The following ZNF511 variants were observed in gnomAD, a reference collection of about 807,000 sequenced individuals.
ZNF511 encodes zinc finger protein 511.
Under a neutral mutation model 24.8 loss-of-function variants are expected in ZNF511, and 26 were observed. The observed-to-expected ratio is 1.05, with a 90% CI of 0.77 to 1.46. The LOEUF is 1.46. ZNF511 is among the 40% of genes most tolerant of loss of function. The pLI is 0.00. For missense variants in ZNF511, 358 were observed against 345.0 expected, an observed-to-expected ratio of 1.04 and a Z score of -0.30; for synonymous variants, 144 against 139.6, an observed-to-expected ratio of 1.03 and a Z score of -0.22.
intron 4 of ZNF511, among the ~76,000 whole-genome samples, chr10:133,311,422 TAAA>T (rs748832130): frequency 4.6e-4 from 70 of 152,286 alleles, no homozygotes; most frequent in Non-Finnish European, 9.0e-4. Context: ...CTCACACTCA[TAAA>T]AAGACCCGTG....
Position 133,312,885 on chromosome 10 carries a change from G to T in ZNF511, c.*19G>T, listed in dbSNP as rs555874146. 2.5e-6 allele frequency: 4 copies of T among 1,613,948 alleles called. No homozygotes were observed. The highest frequency in any genetic ancestry group is 1.7e-5 in the Admixed American group (1 of 60,016). ...ATGCTGATAGACTCAGAAAAGGAGT[G>T]GGGGGCAGTCACCACTGCTGGGCGT... On this transcript the variant is annotated 3_prime_UTR_variant, in exon 6 of 6. Coordinates refer to ENST00000361518, the MANE Select transcript of ZNF511 (RefSeq NM_145806.4).
rs956567043 is a variant in ZNF511 at position 133,308,953 on chromosome 10, C to T, written c.10C>T (p.Pro4Ser). Residue 4 changes from proline to serine, a missense_variant, in exon 1 of 6, where the codon CCC (proline) becomes TCC (serine). By Grantham distance (74) the Pro-to-Ser change is moderately conservative. Transcript: ENST00000361518. ...GCCCGCGCCCGGGGTGATGCAGTTG[C>T]CCCCCGCGCTGTGCGCCCGCCTCGC... MQL[P>S]PALCARLAAG... 12 of 1,234,576 alleles carry T rather than the reference C, an allele frequency of 9.7e-6. No individual in the cohort carries two copies. Among genetic ancestry groups the T allele is most frequent in the African/African-American group, 1.6e-5 (1 of 63,928 alleles). 76.5% of individuals were successfully genotyped at this position (1,234,576 alleles called of 1,614,324 possible).
chr10:133,310,109 A>C (rs1847955083), intron 3 of ZNF511, 55 bp from the exon 4 acceptor site: 2 of 1,612,002 alleles, frequency 1.2e-6, no homozygotes, highest in South Asian at 2.2e-5. Flanking sequence ...CTACGGGGGC[A>C]TGGCGGTGGG....
chr10:133,312,137 C>T, intron 5 of ZNF511: 1 of 1,438,354 alleles, frequency 7.0e-7, no homozygotes, highest in Non-Finnish European at 9.1e-7. Flanking sequence ...GCTTCAGTCA[C>T]AACCCAGGCG....
intron 4 of ZNF511, 97 bp downstream of exon 4, chr10:133,310,385 T>C: frequency 6.7e-7 from 1 of 1,493,976 alleles, no homozygotes; most frequent in Non-Finnish European, 9.1e-7. Flanking sequence ...TATTAAGCAC[T>C]TGTGTGTCAC....
At position 133,311,827 on chromosome 10, in the gene ZNF511, G is replaced by T. The variant is rs1847996208; in HGVS notation, c.666G>T (p.Arg222=). 1.9e-6 allele frequency: 3 copies of T among 1,613,264 alleles called. No homozygotes were observed. Among genetic ancestry groups the T allele is most frequent in the African/African-American group, 2.7e-5 (2 of 74,958 alleles). The part of the protein sequence containing the change: ...AASPAPAGER[R]IYRHRIPSTI... The stretch of plus-strand genomic sequence containing the variant: ...CCCCTGCACCGGCAGGTGAGAGGCG[G>T]ATCTACAGACATAGGTCAGTGTCTG... Residue 222 remains arginine (R), a synonymous_variant, in exon 5 of 6, where the codon CGG becomes CGT. Coordinates refer to ENST00000361518, the MANE Select transcript of ZNF511 (RefSeq NM_145806.4).
Position 133,309,421 on chromosome 10 carries a change from A to C in ZNF511, c.185A>C (p.Gln62Pro), listed in dbSNP as rs147218077. 462 of 1,612,496 alleles carry C rather than the reference A, an allele frequency of 2.9e-4. No homozygotes were observed. Among genetic ancestry groups the C allele is most frequent in the Non-Finnish European group, 3.6e-4 (420 of 1,179,736 alleles). ...GACGTGCAGCGCCACCTCTACCTCC[A>C]GGACGTGATCATGCAGGTGGCCGAC... ...DGDVQRHLYL[Q>P]DVIMQVADVP... Residue 62 changes from glutamine (Q) to proline (P), a missense_variant, in exon 2 of 6, where the codon CAG (glutamine) becomes CCG (proline). Transcript: ENST00000361518.
Position 133,309,042 on chromosome 10 carries a change from C to T in ZNF511, c.99C>T (p.Pro33=). 1 of 1,276,376 alleles carries T rather than the reference C, an allele frequency of 7.8e-7. No homozygotes were observed. Among genetic ancestry groups the T allele is most frequent in the African/African-American group, 1.5e-5 (1 of 64,878 alleles). 79.1% of individuals were successfully genotyped at this position (1,276,376 alleles called of 1,614,324 possible). The change falls in exon 1 of 6, where the codon CCC becomes CCT. Residue 33 remains proline (P), a synonymous_variant. Transcript: ENST00000361518. ...GGGATCCCGCGGCTGGGGCCGCGCC[C>T]TTTCGCTTCGTTGCGCGCCCCGTGC... The part of the protein sequence containing the change: ...VERDPAAGAA[P]FRFVARPVRF...
At position 133,311,573 on chromosome 10, in the gene ZNF511, CTATAAAA is replaced by C. The variant is rs1847988707; in HGVS notation, c.555-141_555-135del. 6 of 689,624 alleles carry C rather than the reference CTATAAAA, an allele frequency of 8.7e-6. No homozygotes were observed. In the Admixed American group the frequency reaches 1.7e-4, roughly 20 times the overall value. The allele number at this position is 689,624 out of a possible 1,614,324, so 42.7% of individuals were successfully genotyped here. On this transcript the variant is annotated intron_variant, in intron 4 of 5. Transcript: ENST00000361518. ...CCTTTTCCCAGTATCTTAAACCACA[CTATAAAA>C]TCAGACTATGCCAAAATAGTAAGAA...
chr10:133,312,235 T>G (rs1325075231), intron 5 of ZNF511: 22 of 1,368,710 alleles, frequency 1.6e-5, no homozygotes, highest in Non-Finnish European at 2.1e-5. Context: ...GCCGTCTGCC[T>G]TCCTAGCATG....
In ZNF511 at chr10:133,312,947, T is replaced by G. The variant is rs1172407065; in HGVS notation, c.*81T>G. 3 of 1,601,136 alleles carry G rather than the reference T, an allele frequency of 1.9e-6. No homozygotes were observed. The highest frequency in any genetic ancestry group is 2.7e-5 in the African/African-American group (2 of 74,688). On this transcript the variant is annotated 3_prime_UTR_variant, in exon 6 of 6. Coordinates refer to ENST00000361518, the MANE Select transcript of ZNF511 (RefSeq NM_145806.4). Reference sequence around the variant, plus strand: ...TGGGCCTTTCTCCGACCTTCTGGTGTGGCCGCCCTGGGGGCCAGGCCCTCG... The same window carrying G: ...TGGGCCTTTCTCCGACCTTCTGGTGGGGCCGCCCTGGGGGCCAGGCCCTCG...
In ZNF511 at chr10:133,309,833, C is replaced by T. The variant is rs773932493; in HGVS notation, c.285C>T (p.Asp95=). ...GCTGCCAGGTGTTCGATGCCCTGGA[C>T]GACTACGAGCACCACTACCACACGC... ...AGCCQVFDAL[D]DYEHHYHTLH... is the part of the protein sequence containing the mutation. The change falls in exon 3 of 6, where the codon GAC becomes GAT. Residue 95 remains aspartate, a synonymous_variant. Transcript: ENST00000361518. The T allele has an allele frequency of 2.2e-5, 35 of 1,613,572 alleles. 1 individual carries two copies. The highest frequency in any genetic ancestry group is 2.9e-5 in the Non-Finnish European group (34 of 1,180,024).
chr10:133,310,062 C>A, intron 3 of ZNF511, 85 bp downstream of exon 3: 1 of 1,609,164 alleles, frequency 6.2e-7, no homozygotes, highest in Middle Eastern at 2.0e-4. Context: ...GGTGCTCGGG[C>A]AAGGCCGGGG....
intron 4 of ZNF511, among the ~76,000 whole-genome samples, chr10:133,310,889 C>G (rs1847976591): frequency 6.6e-6 from 1 of 152,070 alleles, no homozygotes; most frequent in Non-Finnish European, 1.5e-5. Context: ...GCAACCTCCA[C>G]TTCTCAGGCT....
chr10:133,312,200 C>T (rs538563661), intron 5 of ZNF511: 6 of 1,406,514 alleles, frequency 4.3e-6, no homozygotes, highest in South Asian at 3.1e-5. Flanking sequence ...TCACCTGTGC[C>T]GTCTGCGTTT....
rs773666430 is a variant in ZNF511 at position 133,309,923 on chromosome 10, C to T, written c.375C>T (p.His125=). ...CTTCCGGACACCTGCTGGACGCCCACATCCTGGAGTGGCACGATTCGCTCT... is the reference window on the plus strand; with the variant it reads ...CTTCCGGACACCTGCTGGACGCCCATATCCTGGAGTGGCACGATTCGCTCT... The part of the protein sequence containing the change: ...AFPSGHLLDA[H]ILEWHDSLFQ... The change falls in exon 3 of 6, where the codon CAC becomes CAT. Residue 125 remains histidine, a synonymous_variant. Coordinates refer to ENST00000361518, the MANE Select transcript of ZNF511 (RefSeq NM_145806.4). 1.9e-6 allele frequency: 3 copies of T among 1,613,622 alleles called. No homozygotes were observed. The highest frequency in any genetic ancestry group is 1.7e-5 in the Admixed American group (1 of 60,020).
intron 3 of ZNF511, 55 bp downstream of exon 3, chr10:133,310,032 A>T: frequency 1.2e-6 from 2 of 1,609,418 alleles, no homozygotes; most frequent in Non-Finnish European, 1.7e-6. Context: ...ATGGGCTCAG[A>T]GTGCTGCCCC....
intron 5 of ZNF511, chr10:133,312,090 TTGTC>T (rs1848003942): frequency 4.8e-6 from 7 of 1,454,814 alleles, no homozygotes; most frequent in African/African-American, 1.4e-5. Flanking sequence ...CTTTTCCTCA[TTGTC>T]TGAGTGGGAT....
At chr10:133,311,514 A>G (rs894179093) in intron 4 of ZNF511, 1 of 567,004 alleles carries the variant, frequency 1.8e-6, no homozygotes, top group South Asian at 2.3e-5. Context: ...TGCAGACTCT[A>G]TTATATAAAC....
Sources: gnomAD v4.1 joint callset for allele counts (sites outside exome capture counted in the v4.1 genomes callset) on GRCh38, gnomAD v4.1.1 for gene constraint, MANE v1.5 for transcripts, NCBI Gene and HGNC (gene_info 2026-07-23, HGNC 2026-07-21) for gene names.